Variants in SYTL3 observed in about 807,000 individuals in gnomAD.
The protein encoded by SYTL3 is synaptotagmin-like protein 3.
Under a neutral mutation model 82.1 loss-of-function variants are expected in SYTL3, and 88 were observed. The observed-to-expected ratio is 1.07, with a 90% CI of 0.90 to 1.28. The LOEUF is 1.28. SYTL3 is among the 50% of genes most tolerant of loss of function. The pLI is 0.00. For missense variants in SYTL3, 831 were observed against 757.6 expected, an observed-to-expected ratio of 1.10 and a Z score of -1.14; for synonymous variants, 311 against 289.4, an observed-to-expected ratio of 1.07 and a Z score of -0.76.
intron 11 of SYTL3, chr6:158,726,317 CTTTTT>C (rs954404844): frequency 2.6e-6 from 1 of 384,238 alleles, no homozygotes; most frequent in East Asian, 7.1e-5. Flanking sequence ...CAGGTTTCTT[CTTTTT>C]TAAGAACTTC....
chr6:158,727,632 G>C (rs1379147685), intron 11 of SYTL3, among the ~76,000 whole-genome samples: 1 of 150,646 alleles, frequency 6.6e-6, no homozygotes, highest in African/African-American at 2.5e-5. Context: ...ACCAGGCCTC[G>C]AGGCCACCCG....
intron 6 of SYTL3, among the ~76,000 whole-genome samples, chr6:158,686,785 A>G (rs942255016): frequency 6.6e-6 from 1 of 152,218 alleles, no homozygotes; most frequent in African/African-American, 2.4e-5. Flanking sequence ...CAGAGCTAGC[A>G]GCTGCAGGAG....
chr6:158,763,084 G>A (rs983629063), intron 16 of SYTL3, among the ~76,000 whole-genome samples: 3 of 152,212 alleles, frequency 2.0e-5, no homozygotes, highest in African/African-American at 7.2e-5. Flanking sequence ...TGAGGGCCAC[G>A]AGGCCTCAGC....
At chr6:158,742,402 G>A (rs908463180) in intron 11 of SYTL3, among the ~76,000 whole-genome samples, 7 of 152,108 alleles carry the variant, frequency 4.6e-5, no homozygotes, top group Non-Finnish European at 1.0e-4. Context: ...TTCAAAACTG[G>A]GTTTCCATTG....
chr6:158,757,323 C>T lies in SYTL3; in HGVS notation c.1250C>T (p.Thr417Met), dbSNP rs748304836. 43 of 1,613,896 alleles carry T rather than the reference C, an allele frequency of 2.7e-5. No homozygotes were observed. The highest frequency in any genetic ancestry group is 3.3e-4 in the Middle Eastern group (2 of 6,082). Residue 417 changes from threonine to methionine, a missense_variant, in exon 14 of 18, where the codon ACG becomes ATG. By Grantham distance (81) the Thr-to-Met change is moderately conservative. Coordinates refer to ENST00000611299, the MANE Select transcript of SYTL3 (RefSeq NM_001242394.2). ...FLGEVIIPLA[T>M]WDFEDSTTQS... ...GGAGAAGTGATCATTCCTCTGGCCACGTGGGACTTTGAAGACAGCACAACA... is the reference window on the plus strand; with the variant it reads ...GGAGAAGTGATCATTCCTCTGGCCATGTGGGACTTTGAAGACAGCACAACA...
chr6:158,706,193 C>T (rs1782070543), intron 6 of SYTL3, among the ~76,000 whole-genome samples: 1 of 152,092 alleles, frequency 6.6e-6, no homozygotes, highest in Admixed American at 6.5e-5. Context: ...CCAGAAAATG[C>T]ACACAGGCAG....
intron 11 of SYTL3, among the ~76,000 whole-genome samples, chr6:158,727,689 C>CTTTT (rs55657606): frequency 0.025 from 2,654 of 106,732 alleles, 261 homozygotes; most frequent in African/African-American, 0.11. Flanking sequence ...TCCAAGTACT[C>CTTTT]TTTTTTTTTT....
intron 11 of SYTL3, among the ~76,000 whole-genome samples, chr6:158,728,177 T>A (rs1239431559): frequency 6.6e-6 from 1 of 152,186 alleles, no homozygotes; most frequent in Non-Finnish European, 1.5e-5. Flanking sequence ...CATGAAGATA[T>A]TCTCCCATGT....
chr6:158,714,052 G>A (rs149687406), intron 9 of SYTL3, among the ~76,000 whole-genome samples, 174 bp downstream of exon 9: 104 of 152,294 alleles, frequency 6.8e-4, no homozygotes, highest in African/African-American at 2.2e-3. Context: ...CAACAAAGCA[G>A]GCCTCTGGTT....
intron 6 of SYTL3, among the ~76,000 whole-genome samples, chr6:158,685,918 A>G (rs977374763): frequency 3.9e-5 from 6 of 152,230 alleles, no homozygotes; most frequent in Non-Finnish European, 7.3e-5. Flanking sequence ...TTCCTAGCTT[A>G]TAAACAGTAG....
At chr6:158,757,056 C>T (rs1460866802) in intron 13 of SYTL3, among the ~76,000 whole-genome samples, 155 bp from the exon 14 acceptor site, 1 of 142,654 alleles carries the variant, frequency 7.0e-6, no homozygotes, top group Non-Finnish European at 1.5e-5. Flanking sequence ...CACATCAGGT[C>T]CCTGGCTGCA....
upstream of SYTL3, among the ~76,000 whole-genome samples, chr6:158,645,131 G>A (rs1434661839): frequency 6.6e-6 from 1 of 152,208 alleles, no homozygotes; most frequent in African/African-American, 2.4e-5. Context: ...GACTGCTGAA[G>A]GCAGTGCGCC....
chr6:158,764,757 G>T lies in SYTL3; in HGVS notation c.*153G>T, dbSNP rs756733466. 3.4e-6 allele frequency: 2 copies of T among 583,408 alleles called. No homozygotes were observed. Among genetic ancestry groups the T allele is most frequent in the East Asian group, 5.6e-5 (2 of 35,714 alleles). 36.1% of individuals were successfully genotyped at this position (583,408 alleles called of 1,614,324 possible). A position where few individuals can be genotyped will look rare whatever the true frequency, so the allele number is the denominator to read the frequency against. ...CTGTCCCATGGCTTAACCGCCTATT[G>T]GTATCTGTGTATATTTACGTTAAAC... On this transcript the variant is annotated 3_prime_UTR_variant, in exon 18 of 18. Coordinates refer to ENST00000611299, the MANE Select transcript of SYTL3 (RefSeq NM_001242394.2).
upstream of SYTL3, among the ~76,000 whole-genome samples, chr6:158,647,300 T>C (rs948045901): frequency 2.0e-5 from 3 of 152,244 alleles, no homozygotes; most frequent in Non-Finnish European, 2.9e-5. Context: ...TAAAGAACAT[T>C]TGTTAAATGA....
intron 11 of SYTL3, chr6:158,726,710 C>A: frequency 3.7e-6 from 1 of 269,514 alleles, no homozygotes; most frequent in South Asian, 5.7e-5. Context: ...ACTGTTTTCC[C>A]CAGCATCTAA....
intron 6 of SYTL3, among the ~76,000 whole-genome samples, chr6:158,690,640 C>T (rs1472460595): frequency 2.6e-5 from 4 of 152,072 alleles, no homozygotes; most frequent in African/African-American, 9.7e-5. Flanking sequence ...AAATGAGCCT[C>T]AGTTCTTCAT....
chr6:158,719,937 A>G (rs181946198), intron 10 of SYTL3, among the ~76,000 whole-genome samples: 5 of 152,074 alleles, frequency 3.3e-5, no homozygotes, highest in Admixed American at 2.6e-4. Context: ...AAAAATACAA[A>G]TATTAGCCGG....
At chr6:158,717,238 C>T (rs1057233158) in intron 9 of SYTL3, among the ~76,000 whole-genome samples, 1 of 152,004 alleles carries the variant, frequency 6.6e-6, no homozygotes, top group East Asian at 1.9e-4. Context: ...CACATCATTG[C>T]ACTCCATTCT....
intron 5 of SYTL3, among the ~76,000 whole-genome samples, chr6:158,666,092 T>A (rs1316739511): frequency 6.6e-6 from 1 of 152,228 alleles, no homozygotes; most frequent in Admixed American, 6.5e-5. Context: ...AGAACCTGTT[T>A]AAACAACAAA....
Sources: allele counts gnomAD v4.1 joint callset (sites outside exome capture counted in the v4.1 genomes callset), GRCh38; gene constraint gnomAD v4.1.1; transcripts MANE v1.5; gene names NCBI Gene and HGNC (gene_info 2026-07-23, HGNC 2026-07-21).